The following OPRM1 variants were observed in gnomAD, a reference collection of about 807,000 sequenced individuals.
OPRM1 encodes opioid receptor mu 1.
Under a neutral mutation model 31.8 loss-of-function variants are expected in OPRM1, and 27 were observed. The ratio of observed to expected loss-of-function variants is 0.85; its 90% CI spans 0.63 to 1.17. The LOEUF (loss-of-function observed/expected upper bound fraction) is 1.17. Among genes scored for constraint, OPRM1 ranks in the 50% most tolerant of loss-of-function variants. OPRM1 has a pLI of 0.00. For synonymous variants in OPRM1, 196 were observed against 189.9 expected (o/e 1.03, Z -0.26); for missense variants, 536 against 511.1 (o/e 1.05, Z -0.47).
intron 3 of OPRM1, among the ~76,000 whole-genome samples, chr6:154,214,742 TA>T (rs1318159435): frequency 3.3e-5 from 5 of 152,098 alleles, no homozygotes; most frequent in African/African-American, 9.7e-5. Flanking sequence ...TGTCAATCAG[TA>T]AAAAAAATCT....
intron 3 of OPRM1, among the ~76,000 whole-genome samples, chr6:154,148,909 A>G (rs1451681967): frequency 6.6e-6 from 1 of 152,160 alleles, no homozygotes; most frequent in African/African-American, 2.4e-5. Flanking sequence ...CTACCTTAAC[A>G]CAGAGGCCAT....
At chr6:154,147,027 T>C (rs991738777) in intron 3 of OPRM1, among the ~76,000 whole-genome samples, 1 of 152,164 alleles carries the variant, frequency 6.6e-6, no homozygotes, top group Non-Finnish European at 1.5e-5. Context: ...GGAAATGGAC[T>C]TTTGTACTCT....
intron 1 of OPRM1, among the ~76,000 whole-genome samples, chr6:154,032,619 AG>A (rs2128388379): frequency 1.3e-5 from 2 of 152,210 alleles, no homozygotes; most frequent in African/African-American, 4.8e-5. Flanking sequence ...GTTTTTGTAG[AG>A]ATGGGATTCT....
intron 3 of OPRM1, among the ~76,000 whole-genome samples, chr6:154,216,275 G>A (rs1187945367): frequency 6.6e-6 from 1 of 151,930 alleles, no homozygotes; most frequent in Non-Finnish European, 1.5e-5. Flanking sequence ...TCAATTTCCT[G>A]TTATAATGAA....
intron 2 of OPRM1, 91 bp from the exon 3 acceptor site, chr6:154,090,861 C>A (rs1268540975): frequency 1.5e-5 from 18 of 1,186,000 alleles, no homozygotes; most frequent in African/African-American, 3.1e-5. Context: ...CTGGTCAAGG[C>A]TAAAAATGAA....
At chr6:154,149,460 T>C in intron 3 of OPRM1, among the ~76,000 whole-genome samples, 1 of 152,144 alleles carries the variant, frequency 6.6e-6, no homozygotes, top group East Asian at 1.9e-4. Flanking sequence ...AGCCTACCCA[T>C]ATCACATGGT....
rs571905029 is a variant in OPRM1, at chr6:154,121,359, A to G, written c.*2638A>G. Among the ~76,000 whole-genome samples the G allele has an allele frequency of 2.9e-4, 44 of 152,330 alleles. No homozygotes were observed. The Middle Eastern group carries it at 0.01, about 35-fold the overall frequency. On this transcript the variant is annotated 3_prime_UTR_variant, in exon 4 of 4. Coordinates refer to ENST00000330432, the MANE Select transcript of OPRM1 (RefSeq NM_000914.5). Reference sequence around the variant, plus strand: ...TTCCTTGCCAATCATTAGAAAGGAAAGAAGAGGAAAGAGACTCGCTGGAGC... The same window carrying G: ...TTCCTTGCCAATCATTAGAAAGGAAGGAAGAGGAAAGAGACTCGCTGGAGC...
intron 3 of OPRM1, chr6:154,156,234 C>CTCAA (rs971442909): frequency 6.6e-6 from 1 of 152,274 alleles, no homozygotes; most frequent in Admixed American, 6.5e-5. Flanking sequence ...GGAGACTGTG[C>CTCAA]TCAAGCACAG....
At chr6:154,071,535 A>C (rs919591164) in intron 1 of OPRM1, among the ~76,000 whole-genome samples, 1 of 151,854 alleles carries the variant, frequency 6.6e-6, no homozygotes, top group East Asian at 1.9e-4. Context: ...GAAAACCCCC[A>C]GGAATATCCC....
Position 154,129,684 on chromosome 6 carries a change from A to C in OPRM1, c.*10963A>C, listed in dbSNP as rs1235085292. Among the ~76,000 whole-genome samples the C allele has an allele frequency of 2.0e-5, 3 of 152,150 alleles. No individual in the cohort carries two copies. Among genetic ancestry groups the C allele is most frequent in the Non-Finnish European group, 4.4e-5 (3 of 68,012 alleles). On this transcript the variant is annotated 3_prime_UTR_variant, in exon 4 of 4. Transcript: ENST00000330432. ...ATCTATTCTTGAAACATATTTCTTT[A>C]GTTCAAGGTCTGATGAGCTCCCAGA...
chr6:154,107,133 A>T (rs1795692750), intron 3 of OPRM1, among the ~76,000 whole-genome samples: 1 of 152,196 alleles, frequency 6.6e-6, no homozygotes, highest in Admixed American at 6.5e-5. Context: ...TTCATTTGCC[A>T]GTTTCTTAAT....
intron 1 of OPRM1, chr6:154,087,648 T>C (rs886175037): frequency 2.1e-6 from 2 of 955,728 alleles, no homozygotes; most frequent in Non-Finnish European, 1.2e-6. Flanking sequence ...CTGGCTCTGG[T>C]TGGAACATGA....
chr6:154,110,611 G>A (rs866912931), intron 3 of OPRM1, among the ~76,000 whole-genome samples: 4 of 151,946 alleles, frequency 2.6e-5, no homozygotes, highest in Admixed American at 6.6e-5. Context: ...CTCATTGGCC[G>A]GGCACGGTGG....
At chr6:154,242,188 T>A (rs956066531) in intron 3 of OPRM1, among the ~76,000 whole-genome samples, 1 of 152,180 alleles carries the variant, frequency 6.6e-6, no homozygotes, top group African/African-American at 2.4e-5. Flanking sequence ...ATCTCCCACC[T>A]CTACTTCTCA....
exon 1 of OPRM1, chr6:154,010,686 G>T: frequency 4.1e-6 from 6 of 1,451,480 alleles, no homozygotes. Flanking sequence ...TGAAAAAGCA[G>T]CCGGGTCAGA....
chr6:154,199,738 A>G (rs1776917474), intron 3 of OPRM1: 1 of 1,614,076 alleles, frequency 6.2e-7, no homozygotes, highest in Non-Finnish European at 8.5e-7. Flanking sequence ...TACTCAATGA[A>G]GAAGTATCAT....
intron 1 of OPRM1, among the ~76,000 whole-genome samples, chr6:154,069,272 C>T (rs1410242845): frequency 6.6e-6 from 1 of 152,140 alleles, no homozygotes; most frequent in Non-Finnish European, 1.5e-5. Context: ...TGGAGTCTCG[C>T]TCTGTCACCA....
At chr6:154,068,458 A>G (rs188869769) in intron 1 of OPRM1, among the ~76,000 whole-genome samples, 23 of 152,172 alleles carry the variant, frequency 1.5e-4, no homozygotes, top group Admixed American at 3.9e-4. Context: ...ATAATATGGT[A>G]TTTGTCTTTC....
chr6:154,208,522 C>G (rs1583802141), intron 3 of OPRM1, among the ~76,000 whole-genome samples: 1 of 152,270 alleles, frequency 6.6e-6, no homozygotes, highest in East Asian at 1.9e-4. Context: ...AACAGTCTCC[C>G]TCAACTAGAG....
Sources: allele counts gnomAD v4.1 joint callset (sites outside exome capture counted in the v4.1 genomes callset), GRCh38; gene constraint gnomAD v4.1.1; transcripts MANE v1.5; gene names NCBI Gene and HGNC (gene_info 2026-07-23, HGNC 2026-07-21).